The following IGF2BP2 variants were observed in gnomAD, a reference collection of about 807,000 sequenced individuals.
The protein encoded by IGF2BP2 is insulin like growth factor 2 mRNA binding protein 2.
In IGF2BP2, 17 loss-of-function variants were observed where a neutral mutation model predicts 75.8. The observed-to-expected ratio is 0.22, with a 90% CI of 0.15 to 0.34. The LOEUF (loss-of-function observed/expected upper bound fraction) is 0.34, where lower values mean the gene tolerates loss of function less well. Ranked by LOEUF, IGF2BP2 falls within the 10% of genes least tolerant of loss-of-function variation. IGF2BP2 has a pLI of 1.00. For missense variants in IGF2BP2, 516 were observed against 772.4 expected (o/e 0.67, Z 3.93); for synonymous variants, 288 against 295.6 (o/e 0.97, Z 0.26).
chr3:185,724,280 T>A lies in IGF2BP2; in HGVS notation c.240-25933A>T, dbSNP rs545451324. Among the ~76,000 whole-genome samples, 11 of 152,354 alleles carry A rather than the reference T, an allele frequency of 7.2e-5. No homozygotes were observed. The South Asian group carries it at 2.3e-3, about 32-fold the overall frequency. On this transcript the variant is annotated intron_variant, in intron 2 of 15. Coordinates refer to ENST00000382199, the MANE Select transcript of IGF2BP2 (RefSeq NM_006548.6). ...GTCTGAAGACTAAGGTAGCTTGATC[T>A]ATCAATCAGCCAACAACAGTCTTGT...
intron 10 of IGF2BP2, among the ~76,000 whole-genome samples, chr3:185,665,169 T>TAAAA (rs869141172): frequency 2.1e-5 from 2 of 96,768 alleles, no homozygotes; most frequent in African/African-American, 8.3e-5. Context: ...CCCTGTTTCT[T>TAAAA]AAAAAAAAAA....
rs144205471 is a variant in IGF2BP2 at position 185,721,654 on chromosome 3, CTAA to C, written c.240-23310_240-23308del. 8.0e-3 allele frequency among the ~76,000 whole-genome samples: 1,220 copies of C among 152,284 alleles called. 24 individuals are homozygous for C. Among genetic ancestry groups the C allele is most frequent in the African/African-American group, 0.027 (1,138 of 41,562 alleles). ...TACTTTCATGCTGGTTTCCTCCAGA[CTAA>C]TAAAACACTGTTTATCAGTCTAAGC... On this transcript the variant is annotated intron_variant, in intron 2 of 15. Coordinates refer to ENST00000382199, the MANE Select transcript of IGF2BP2 (RefSeq NM_006548.6).
chr3:185,646,536 G>C (rs1488193078), intron 15 of IGF2BP2, among the ~76,000 whole-genome samples: 1 of 152,238 alleles, frequency 6.6e-6, no homozygotes, highest in Non-Finnish European at 1.5e-5. Flanking sequence ...CGGCTGTGTG[G>C]AGGTGCAGTA....
chr3:185,672,259 A>G (rs1291475851), intron 10 of IGF2BP2, among the ~76,000 whole-genome samples: 1 of 152,222 alleles, frequency 6.6e-6, no homozygotes, highest in African/African-American at 2.4e-5. Context: ...GTTCTTTTCT[A>G]TAATAAATTA....
chr3:185,815,998 G>T (rs554105228), intron 2 of IGF2BP2, among the ~76,000 whole-genome samples: 1 of 152,146 alleles, frequency 6.6e-6, no homozygotes, highest in Non-Finnish European at 1.5e-5. Flanking sequence ...AGTACAGAAA[G>T]TGACGTAGAG....
intron 2 of IGF2BP2, among the ~76,000 whole-genome samples, chr3:185,757,864 T>G (rs1731847503): frequency 6.6e-6 from 1 of 152,230 alleles, no homozygotes; most frequent in South Asian, 2.1e-4. Flanking sequence ...GATTTCTGAT[T>G]GGTGGTTACA....
chr3:185,664,963 A>G (rs1401241770), intron 10 of IGF2BP2, among the ~76,000 whole-genome samples: 1 of 152,124 alleles, frequency 6.6e-6, no homozygotes, highest in Non-Finnish European at 1.5e-5. Context: ...TTCCAAGGGT[A>G]AAGGCAAATT....
chr3:185,643,794 T>C lies in IGF2BP2; in HGVS notation c.*1737A>G, dbSNP rs1216806296. The C allele has an allele frequency of 6.7e-6, 1 of 148,622 alleles. No homozygotes were observed. Among genetic ancestry groups the C allele is most frequent in the Middle Eastern group, 3.4e-3 (1 of 292 alleles). The allele number at this position is 148,622 out of a possible 1,614,324, so 9.2% of individuals were successfully genotyped here. ...CTTTTTTTTTCTTTTTTTTTTTTTT[T>C]TTTTTGTCACAGAACACTGTTTGCA... On this transcript the variant is annotated 3_prime_UTR_variant, in exon 16 of 16. Coordinates refer to ENST00000382199, the MANE Select transcript of IGF2BP2 (RefSeq NM_006548.6).
chr3:185,810,907 A>T (rs1177985117), intron 2 of IGF2BP2, among the ~76,000 whole-genome samples: 2 of 152,202 alleles, frequency 1.3e-5, no homozygotes, highest in Non-Finnish European at 2.9e-5. Flanking sequence ...AACATTATCT[A>T]TAGTTGGCTT....
At chr3:185,761,904 T>C (rs1732419631) in intron 2 of IGF2BP2, among the ~76,000 whole-genome samples, 1 of 152,170 alleles carries the variant, frequency 6.6e-6, no homozygotes, top group African/African-American at 2.4e-5. Context: ...GTGAAAAACG[T>C]GTTATTCTAG....
intron 10 of IGF2BP2, among the ~76,000 whole-genome samples, chr3:185,659,443 G>A (rs376237766): frequency 2.2e-4 from 34 of 152,150 alleles, no homozygotes; most frequent in East Asian, 7.7e-4. Flanking sequence ...GCGCGATCTC[G>A]GCTCACTGCA....
chr3:185,722,228 C>T, intron 2 of IGF2BP2: 1 of 456,024 alleles, frequency 2.2e-6, no homozygotes, highest in Non-Finnish European at 4.4e-6. Flanking sequence ...GCCACCATGC[C>T]CAGCCGCAAG....
chr3:185,693,862 A>T (rs906903261), intron 4 of IGF2BP2, among the ~76,000 whole-genome samples: 1 of 152,220 alleles, frequency 6.6e-6, no homozygotes, highest in Non-Finnish European at 1.5e-5. Flanking sequence ...ACTCTATAAT[A>T]TACGATTCTT....
At chr3:185,736,769 G>A (rs947856369) in intron 2 of IGF2BP2, among the ~76,000 whole-genome samples, 5 of 152,280 alleles carry the variant, frequency 3.3e-5, no homozygotes, top group African/African-American at 7.2e-5. Context: ...CTGCGATGTC[G>A]GACTGCACAA....
intron 2 of IGF2BP2, among the ~76,000 whole-genome samples, chr3:185,796,734 C>CG (rs1240207600): frequency 1.3e-5 from 2 of 151,834 alleles, no homozygotes; most frequent in Admixed American, 1.3e-4. Flanking sequence ...CCTGTATACT[C>CG]TGAGTCACGG....
intron 2 of IGF2BP2, among the ~76,000 whole-genome samples, chr3:185,820,365 G>T (rs1481544911): frequency 6.6e-6 from 1 of 151,622 alleles, no homozygotes; most frequent in Non-Finnish European, 1.5e-5. Flanking sequence ...AAGCTTACCA[G>T]TTTTTTCCTC....
At chr3:185,760,819 A>G (rs1732261772) in intron 2 of IGF2BP2, among the ~76,000 whole-genome samples, 1 of 152,158 alleles carries the variant, frequency 6.6e-6, no homozygotes, top group African/African-American at 2.4e-5. Context: ...TATGGCTGTT[A>G]GAGAGTTCAG....
intron 2 of IGF2BP2, among the ~76,000 whole-genome samples, chr3:185,815,701 A>G (rs1369175942): frequency 6.6e-6 from 1 of 152,130 alleles, no homozygotes; most frequent in Non-Finnish European, 1.5e-5. Context: ...AAAGAAATGC[A>G]TGGGGAGTTG....
intron 12 of IGF2BP2, among the ~76,000 whole-genome samples, chr3:185,653,419 G>A (rs1469652154): frequency 6.6e-6 from 1 of 152,084 alleles, no homozygotes; most frequent in East Asian, 1.9e-4. Flanking sequence ...TCAGGAGTTC[G>A]AGACCAGCCT....
Sources: gnomAD v4.1 joint callset for allele counts (sites outside exome capture counted in the v4.1 genomes callset) on GRCh38, gnomAD v4.1.1 for gene constraint, MANE v1.5 for transcripts, NCBI Gene and HGNC (gene_info 2026-07-23, HGNC 2026-07-21) for gene names.